The following IKZF2 variants were observed in gnomAD, a reference collection of about 807,000 sequenced individuals.
IKZF2 encodes the protein IKAROS family zinc finger 2.
In IKZF2, 15 loss-of-function variants were observed where a neutral mutation model predicts 49.2. The observed-to-expected ratio is 0.30, with a 90% CI of 0.20 to 0.47. The LOEUF is 0.47. Among genes scored for constraint, IKZF2 ranks in the 20% least tolerant of loss-of-function variants. The pLI is 1.00. For synonymous variants in IKZF2, 227 were observed against 221.4 expected, an observed-to-expected ratio of 1.03 and a Z score of -0.23; for missense variants, 567 against 664.6, an observed-to-expected ratio of 0.85 and a Z score of 1.61.
Position 213,002,657 on chromosome 2 carries a change from A to T in IKZF2, c.*4703T>A, listed in dbSNP as rs1695007207. 6.6e-6 allele frequency: 1 copy of T among 151,900 alleles called. No individual in the cohort carries two copies. Among genetic ancestry groups the T allele is most frequent in the Non-Finnish European group, 1.5e-5 (1 of 67,534 alleles). The allele number at this position is 151,900 out of a possible 1,614,324, so 9.4% of individuals were successfully genotyped here. ...TTGAGATTATGCTTTGGAGAATAGC[A>T]ATGTGATATGACTGTTCAGTTTTGC... is the stretch of plus-strand genomic sequence containing the variant. On this transcript the variant is annotated 3_prime_UTR_variant, in exon 9 of 9. Coordinates refer to ENST00000434687, the MANE Select transcript of IKZF2 (RefSeq NM_001387220.1).
chr2:213,054,743 G>T (rs983571237), intron 5 of IKZF2, among the ~76,000 whole-genome samples: 6 of 152,162 alleles, frequency 3.9e-5, no homozygotes, highest in African/African-American at 1.4e-4. Flanking sequence ...AGTGTTGCAA[G>T]TGTACTTTAA....
In IKZF2 at chr2:213,077,609, A is replaced by G. The variant is rs1443290402; in HGVS notation, c.140-20510T>C. On this transcript the variant is annotated intron_variant, in intron 4 of 8. Coordinates refer to ENST00000434687, the MANE Select transcript of IKZF2 (RefSeq NM_001387220.1). ...TTTTTTTTTTTTTTTTTTTTTTGAG[A>G]CAGAGTCTTGCTCTCTCGCCCAGGC... 1.3e-4 allele frequency among the ~76,000 whole-genome samples: 15 copies of G among 113,494 alleles called. No homozygotes were observed. In the East Asian group the frequency reaches 3.0e-3, roughly 23 times the overall value. 74.5% of individuals were successfully genotyped at this position (113,494 alleles called of 152,430 possible). A position where few individuals can be genotyped will look rare whatever the true frequency, so the allele number is the denominator to read the frequency against.
chr2:213,134,688 C>A (rs572222213), intron 4 of IKZF2, among the ~76,000 whole-genome samples: 1 of 152,126 alleles, frequency 6.6e-6, no homozygotes, highest in Non-Finnish European at 1.5e-5. Flanking sequence ...TTCTTTCTCC[C>A]GAATCTAAAT....
chr2:213,124,892 C>T (rs1035512276), intron 4 of IKZF2, among the ~76,000 whole-genome samples: 6 of 152,186 alleles, frequency 3.9e-5, no homozygotes, highest in Non-Finnish European at 7.4e-5. Context: ...TCCCTTATAC[C>T]TCACCTAGCA....
chr2:213,145,107 A>G (rs1441165), intron 4 of IKZF2, among the ~76,000 whole-genome samples: 66,822 of 151,222 alleles, frequency 0.44, 18,250 homozygotes, highest in East Asian at 0.91. Context: ...ACCTTCCTAA[A>G]GCCAAAATAA....
chr2:213,030,841 G>A (rs2125178339), intron 6 of IKZF2, among the ~76,000 whole-genome samples: 2 of 139,802 alleles, frequency 1.4e-5, no homozygotes, highest in East Asian at 2.0e-4. Context: ...TTGGTGAGAT[G>A]GAGTCTCGCT....
chr2:213,148,491 A>G (rs2061158187), intron 3 of IKZF2, 105 bp downstream of exon 3: 4 of 753,542 alleles, frequency 5.3e-6, no homozygotes, highest in Non-Finnish European at 6.7e-6. Flanking sequence ...GAGAGAAAAA[A>G]GAGTACAGAA....
intron 4 of IKZF2, among the ~76,000 whole-genome samples, chr2:213,091,063 G>T (rs1182975828): frequency 6.6e-6 from 1 of 152,148 alleles, no homozygotes; most frequent in Non-Finnish European, 1.5e-5. Flanking sequence ...TCCTTCAGAG[G>T]AAAGGAAAGG....
At chr2:213,139,710 C>A (rs2060800914) in intron 4 of IKZF2, among the ~76,000 whole-genome samples, 1 of 151,986 alleles carries the variant, frequency 6.6e-6, no homozygotes, top group African/African-American at 2.4e-5. Context: ...TCAGAACTTG[C>A]AAGGATGAGT....
chr2:213,010,094 G>A (rs576697850), intron 8 of IKZF2, among the ~76,000 whole-genome samples: 43 of 152,242 alleles, frequency 2.8e-4, no homozygotes, highest in African/African-American at 1.0e-3. Context: ...TGCTGCTCTA[G>A]GTTTCTGGCC....
At position 213,003,091 on chromosome 2, in the gene IKZF2, C is replaced by A. The variant is rs1399025882; in HGVS notation, c.*4269G>T. ...GCTCTAAAGATTTGCACTAAAAATG[C>A]AGAGATGAATTATATAGTACTCAAT... On this transcript the variant is annotated 3_prime_UTR_variant, in exon 9 of 9. Coordinates refer to ENST00000434687, the MANE Select transcript of IKZF2 (RefSeq NM_001387220.1). The A allele has an allele frequency of 6.6e-6, 1 of 151,850 alleles. No individual in the cohort carries two copies. Among genetic ancestry groups the A allele is most frequent in the Admixed American group, 6.6e-5 (1 of 15,156 alleles). 9.4% of individuals were successfully genotyped at this position (151,850 alleles called of 1,614,324 possible).
chr2:213,116,436 T>C (rs1233592432), intron 4 of IKZF2, among the ~76,000 whole-genome samples: 2 of 152,154 alleles, frequency 1.3e-5, no homozygotes, highest in Admixed American at 6.5e-5. Context: ...TAAATGCTCT[T>C]TAAGAATTTC....
rs777554080 is a variant in IKZF2 at position 213,007,766 on chromosome 2, C to G, written c.1175G>C (p.Arg392Pro). The stretch of plus-strand genomic sequence containing the variant: ...GGGAGAGGCCTCTCTTTCCTGGGGT[C>G]GACTCTTTGGTCTGATGAGAGAGAT... ...GPISLIRPKS[R>P]PQEREASPSN... Residue 392 changes from arginine (R) to proline (P), a missense_variant, in exon 9 of 9, where the codon CGA (arginine) becomes CCA (proline). Coordinates refer to ENST00000434687, the MANE Select transcript of IKZF2 (RefSeq NM_001387220.1). The G allele has an allele frequency of 1.9e-6, 3 of 1,613,456 alleles. No homozygotes were observed. In the Admixed American group the frequency reaches 5.0e-5, roughly 27 times the overall value.
At chr2:213,128,719 C>G (rs577752596) in intron 4 of IKZF2, among the ~76,000 whole-genome samples, 17 of 152,146 alleles carry the variant, frequency 1.1e-4, no homozygotes, top group African/African-American at 3.1e-4. Context: ...CCTCCACCCG[C>G]CAAGTTCAAA....
intron 4 of IKZF2, among the ~76,000 whole-genome samples, chr2:213,083,316 A>G (rs1704165088): frequency 1.3e-5 from 2 of 149,680 alleles, no homozygotes; most frequent in South Asian, 4.2e-4. Context: ...CCCATCTCTC[A>G]TACTACTGCT....
In IKZF2 at chr2:213,053,703, T is replaced by C. The variant is rs144393580; in HGVS notation, c.406+3130A>G. 6.8e-3 allele frequency among the ~76,000 whole-genome samples: 1,034 copies of C among 152,302 alleles called. 14 individuals are homozygous for C. The highest frequency in any genetic ancestry group is 0.024 in the African/African-American group (985 of 41,564). Reference sequence around the variant, plus strand: ...TGTCCAATCGATATGTGTTCATGCATGAATTGATTTACTTTCCCTATTTGT... The same window carrying C: ...TGTCCAATCGATATGTGTTCATGCACGAATTGATTTACTTTCCCTATTTGT... On this transcript the variant is annotated intron_variant, in intron 5 of 8. Transcript: ENST00000434687.
At chr2:213,112,832 A>G (rs1173806748) in intron 4 of IKZF2, among the ~76,000 whole-genome samples, 1 of 152,166 alleles carries the variant, frequency 6.6e-6, no homozygotes, top group Non-Finnish European at 1.5e-5. Context: ...ATTGCACCTC[A>G]GTTTTTCATC....
chr2:213,140,884 T>A (rs549831618), intron 4 of IKZF2, among the ~76,000 whole-genome samples: 7 of 152,034 alleles, frequency 4.6e-5, no homozygotes, highest in Non-Finnish European at 8.8e-5. Flanking sequence ...ACTGTTAAAG[T>A]AATATGGGCA....
At chr2:213,116,699 A>G (rs2059888528) in intron 4 of IKZF2, among the ~76,000 whole-genome samples, 1 of 152,168 alleles carries the variant, frequency 6.6e-6, no homozygotes, top group African/African-American at 2.4e-5. Context: ...TGATCGCATC[A>G]CTGCACTCAA....
Sources: gnomAD v4.1 joint callset for allele counts (sites outside exome capture counted in the v4.1 genomes callset) on GRCh38, gnomAD v4.1.1 for gene constraint, MANE v1.5 for transcripts, NCBI Gene and HGNC (gene_info 2026-07-23, HGNC 2026-07-21) for gene names.